The following SLC71A2 variants were observed in gnomAD, a reference collection of about 807,000 sequenced individuals.
SLC71A2 encodes hippocampus abundant transcript-like 1.
chr9:94,451,047 T>A, the SLC71A2 span, among the ~76,000 whole-genome samples: 1 of 152,166 alleles, frequency 6.6e-6, no homozygotes, highest in Non-Finnish European at 1.5e-5. Context: ...GTCTTTTGCT[T>A]ACATCATGAT....
At chr9:94,379,365 C>T in the SLC71A2 span, among the ~76,000 whole-genome samples, 7 of 144,848 alleles carry the variant, frequency 4.8e-5, no homozygotes, top group East Asian at 8.1e-4. Flanking sequence ...GAATTACAGG[C>T]GTGAGCCACT....
chr9:94,444,720 A>T, the SLC71A2 span, among the ~76,000 whole-genome samples: 1 of 152,210 alleles, frequency 6.6e-6, no homozygotes, highest in East Asian at 1.9e-4. Flanking sequence ...TCTCCAGTTA[A>T]TAGTTTATGA....
chr9:94,448,903 G>A, the SLC71A2 span, among the ~76,000 whole-genome samples: 1 of 152,194 alleles, frequency 6.6e-6, no homozygotes, highest in Non-Finnish European at 1.5e-5. Context: ...AAAATGCTGG[G>A]ATTATAGGCA....
the SLC71A2 span, among the ~76,000 whole-genome samples, chr9:94,405,031 G>A: frequency 6.6e-6 from 1 of 152,028 alleles, no homozygotes; most frequent in Non-Finnish European, 1.5e-5. Flanking sequence ...GTTTAGGGTA[G>A]CGATCCAACT....
the SLC71A2 span, chr9:94,459,087 G>T: frequency 1.4e-6 from 2 of 1,471,472 alleles, no homozygotes; most frequent in South Asian, 1.3e-5. Context: ...GTTTTTTTTG[G>T]GTAATCTAGG....
At chr9:94,378,444 A>G in the SLC71A2 span, among the ~76,000 whole-genome samples, 2 of 152,146 alleles carry the variant, frequency 1.3e-5, no homozygotes, top group Non-Finnish European at 2.9e-5. Flanking sequence ...CGTGGCCAAC[A>G]TAGTGAAACC....
At chr9:94,405,681 C>A in the SLC71A2 span, among the ~76,000 whole-genome samples, 1 of 152,128 alleles carries the variant, frequency 6.6e-6, no homozygotes, top group South Asian at 2.1e-4. Flanking sequence ...GCCAGAACCA[C>A]ACTGTTTTGA....
the SLC71A2 span, among the ~76,000 whole-genome samples, chr9:94,439,194 G>C: frequency 6.6e-6 from 1 of 151,996 alleles, no homozygotes; most frequent in Non-Finnish European, 1.5e-5. Context: ...ATTTTTAGTA[G>C]GGATGGGGTC....
the SLC71A2 span, among the ~76,000 whole-genome samples, chr9:94,440,477 G>T: frequency 6.6e-6 from 1 of 151,652 alleles, no homozygotes; most frequent in Non-Finnish European, 1.5e-5. Context: ...TTCTATCCTG[G>T]AGTAAACCCC....
At chr9:94,459,194 G>A in the SLC71A2 span, 1 of 1,612,598 alleles carries the variant, frequency 6.2e-7, no homozygotes, top group Non-Finnish European at 8.5e-7. Context: ...GTTTTTATTT[G>A]GGGCATGTAT....
the SLC71A2 span, among the ~76,000 whole-genome samples, chr9:94,393,978 C>T: frequency 2.0e-4 from 24 of 121,752 alleles, no homozygotes; most frequent in East Asian, 4.1e-3. Context: ...GTGAATGAAT[C>T]GTTTGGAGTT....
chr9:94,438,916 G>T, the SLC71A2 span, among the ~76,000 whole-genome samples: 946 of 152,034 alleles, frequency 6.2e-3, 7 homozygotes, highest in African/African-American at 0.021. Context: ...ATCGCTGTGG[G>T]GCACTGACAC....
the SLC71A2 span, among the ~76,000 whole-genome samples, chr9:94,418,054 G>C: frequency 6.6e-6 from 1 of 152,006 alleles, no homozygotes; most frequent in African/African-American, 2.4e-5. Context: ...ACGACGGGAG[G>C]GTTTCACCAT....
the SLC71A2 span, among the ~76,000 whole-genome samples, chr9:94,386,369 C>G: frequency 1.3e-5 from 2 of 150,986 alleles, no homozygotes; most frequent in Non-Finnish European, 3.0e-5. Context: ...ACTACTCAGG[C>G]AAGGTTTTCC....
chr9:94,434,985 C>G, the SLC71A2 span, among the ~76,000 whole-genome samples: 1 of 152,188 alleles, frequency 6.6e-6, no homozygotes, highest in Non-Finnish European at 1.5e-5. Flanking sequence ...CTAGCTTACT[C>G]TATTTTTTAC....
chr9:94,451,453 T>C, the SLC71A2 span: 5 of 1,489,078 alleles, frequency 3.4e-6, no homozygotes, highest in Non-Finnish European at 4.5e-6. Flanking sequence ...TTCATTTCCA[T>C]AGGTCATAGG....
chr9:94,443,016 T>C, the SLC71A2 span, among the ~76,000 whole-genome samples: 1 of 152,218 alleles, frequency 6.6e-6, no homozygotes, highest in African/African-American at 2.4e-5. Flanking sequence ...GGGAAATACC[T>C]GTTGAGATAC....
chr9:94,457,110 G>A, the SLC71A2 span, among the ~76,000 whole-genome samples: 1 of 152,058 alleles, frequency 6.6e-6, no homozygotes, highest in African/African-American at 2.4e-5. Context: ...GACTAGAGAC[G>A]CACACTACCA....
chr9:94,441,024 G>A, the SLC71A2 span: 6 of 1,610,798 alleles, frequency 3.7e-6, no homozygotes, highest in Non-Finnish European at 4.2e-6. Flanking sequence ...GAGTCTTCTC[G>A]GTCACGTTTT....
Sources: gnomAD v4.1 joint callset for allele counts (sites outside exome capture counted in the v4.1 genomes callset) on GRCh38, gnomAD v4.1.1 for gene constraint, MANE v1.5 for transcripts, NCBI Gene and HGNC (gene_info 2026-07-23, HGNC 2026-07-21) for gene names.